The following EPHA3 variants were observed in gnomAD, a reference collection of about 807,000 sequenced individuals.
EPHA3 encodes ephrin type-A receptor 3.
EPHA3 carries 42 observed loss-of-function variants against 107.1 expected under a neutral mutation model. The observed-to-expected ratio is 0.39, with a 90% CI of 0.31 to 0.51. EPHA3 has a LOEUF of 0.51. Ranked by LOEUF, EPHA3 falls within the 20% of genes least tolerant of loss-of-function variation. EPHA3 has a pLI of 0.78. For missense variants in EPHA3, 1,183 were observed against 1,211.2 expected (o/e 0.98, Z 0.35); for synonymous variants, 461 against 424.8 (o/e 1.09, Z -1.05).
At chr3:89,350,359 C>T (rs1707780270) in intron 5 of EPHA3, among the ~76,000 whole-genome samples, 2 of 151,270 alleles carry the variant, frequency 1.3e-5, no homozygotes, top group South Asian at 4.2e-4. Flanking sequence ...CACTTCATTT[C>T]ATTCATTTCA....
chr3:89,168,534 A>G (rs1705132625), intron 2 of EPHA3, among the ~76,000 whole-genome samples: 1 of 152,146 alleles, frequency 6.6e-6, no homozygotes, highest in African/African-American at 2.4e-5. Context: ...AGTTTAAACT[A>G]TGATATTCTA....
intron 2 of EPHA3, among the ~76,000 whole-genome samples, chr3:89,130,935 C>T (rs1704196138): frequency 6.6e-6 from 1 of 152,162 alleles, no homozygotes; most frequent in Admixed American, 6.6e-5. Flanking sequence ...CGCGCCCGGT[C>T]CCTATCTCCA....
chr3:89,235,968 A>G (rs1468394526), intron 3 of EPHA3, among the ~76,000 whole-genome samples: 2 of 152,086 alleles, frequency 1.3e-5, no homozygotes, highest in Non-Finnish European at 2.9e-5. Context: ...TTCAATAAAC[A>G]TGGGAAGAAA....
At chr3:89,161,639 G>C (rs1344763724) in intron 2 of EPHA3, among the ~76,000 whole-genome samples, 1 of 152,040 alleles carries the variant, frequency 6.6e-6, no homozygotes, top group African/African-American at 2.4e-5. Context: ...AACAGTGGCT[G>C]TAATGAGTAA....
chr3:89,443,352 A>T (rs915336736), intron 13 of EPHA3, among the ~76,000 whole-genome samples: 4 of 152,208 alleles, frequency 2.6e-5, no homozygotes, highest in African/African-American at 9.6e-5. Context: ...AAAAAAGTTG[A>T]TGCTCAGTGA....
At chr3:89,459,204 A>G (rs921619033) in intron 15 of EPHA3, among the ~76,000 whole-genome samples, 2 of 152,170 alleles carry the variant, frequency 1.3e-5, no homozygotes, top group Non-Finnish European at 2.9e-5. Context: ...ATTTTAAAAA[A>G]GATAGAAGGA....
intron 3 of EPHA3, 42 bp downstream of exon 3, chr3:89,210,562 C>T: frequency 6.6e-7 from 1 of 1,508,874 alleles, no homozygotes; most frequent in Non-Finnish European, 8.8e-7. Flanking sequence ...TATTTCTCAC[C>T]TATGAGTTTA....
chr3:89,429,757 G>A (rs1420366585), intron 12 of EPHA3, among the ~76,000 whole-genome samples: 1 of 150,826 alleles, frequency 6.6e-6, no homozygotes, highest in East Asian at 1.9e-4. Flanking sequence ...TTGAGATGGA[G>A]TTTTACTCTT....
At chr3:89,264,671 C>A (rs1705495624) in intron 3 of EPHA3, among the ~76,000 whole-genome samples, 1 of 152,058 alleles carries the variant, frequency 6.6e-6, no homozygotes, top group Admixed American at 6.5e-5. Context: ...ACAGGAGAAG[C>A]ATATGTCTTA....
intron 13 of EPHA3, among the ~76,000 whole-genome samples, chr3:89,432,193 T>C (rs893739818): frequency 6.6e-6 from 1 of 152,178 alleles, no homozygotes; most frequent in Non-Finnish European, 1.5e-5. Flanking sequence ...TAAAAATGAA[T>C]GTTTTGTGTC....
chr3:89,212,122 G>A (rs1050468217), intron 3 of EPHA3, among the ~76,000 whole-genome samples: 2 of 151,728 alleles, frequency 1.3e-5, no homozygotes, highest in South Asian at 2.1e-4. Flanking sequence ...AGGAAGGTAA[G>A]AAAATATGTG....
intron 3 of EPHA3, among the ~76,000 whole-genome samples, chr3:89,271,536 C>G (rs1705668808): frequency 6.6e-6 from 1 of 151,868 alleles, no homozygotes; most frequent in Non-Finnish European, 1.5e-5. Context: ...TGCTTTCGAT[C>G]TCTGGCTTTA....
intron 5 of EPHA3, among the ~76,000 whole-genome samples, chr3:89,363,376 T>C (rs1345586467): frequency 6.6e-6 from 1 of 150,688 alleles, no homozygotes; most frequent in Non-Finnish European, 1.5e-5. Flanking sequence ...GGTAAGCTGA[T>C]AGGCTGGAAA....
intron 16 of EPHA3, among the ~76,000 whole-genome samples, chr3:89,474,875 A>G (rs1410439215): frequency 1.3e-5 from 2 of 152,208 alleles, no homozygotes; most frequent in Non-Finnish European, 1.5e-5. Flanking sequence ...TTATTATTTG[A>G]ACAACCTGTG....
intron 2 of EPHA3, among the ~76,000 whole-genome samples, chr3:89,140,249 A>T (rs1248321744): frequency 6.6e-6 from 1 of 151,888 alleles, no homozygotes; most frequent in Non-Finnish European, 1.5e-5. Flanking sequence ...AACTAAAATA[A>T]ATATCACATA....
chr3:89,406,469 C>T (rs1709057338), intron 7 of EPHA3, among the ~76,000 whole-genome samples: 1 of 152,130 alleles, frequency 6.6e-6, no homozygotes, highest in Admixed American at 6.6e-5. Context: ...TTCTCTATTG[C>T]TGCTACTCAA....
intron 3 of EPHA3, among the ~76,000 whole-genome samples, chr3:89,274,082 A>T (rs1297555324): frequency 1.3e-5 from 2 of 151,956 alleles, no homozygotes; most frequent in Non-Finnish European, 1.5e-5. Context: ...CCATTCTGTC[A>T]TGTCTACAAA....
At chr3:89,113,485 C>CA (rs753848304) in intron 1 of EPHA3, among the ~76,000 whole-genome samples, 5,297 of 30,808 alleles carry the variant, frequency 0.17, 1,473 homozygotes, top group East Asian at 0.33. Context: ...TTCCTTTGTA[C>CA]AAAAAAAAAA....
At chr3:89,198,820 CT>C (rs1430833197) in intron 2 of EPHA3, among the ~76,000 whole-genome samples, 1 of 152,130 alleles carries the variant, frequency 6.6e-6, no homozygotes, top group East Asian at 1.9e-4. Flanking sequence ...AATCTCACAA[CT>C]GATATGAAAT....
Sources: allele counts gnomAD v4.1 joint callset (sites outside exome capture counted in the v4.1 genomes callset), GRCh38; gene constraint gnomAD v4.1.1; transcripts MANE v1.5; gene names NCBI Gene and HGNC (gene_info 2026-07-23, HGNC 2026-07-21).